The following GOLGA5 variants were observed in gnomAD, a reference collection of about 807,000 sequenced individuals.
The protein encoded by GOLGA5 is golgin subfamily A member 5.
Under a neutral mutation model 93.5 loss-of-function variants are expected in GOLGA5, and 50 were observed. The ratio of observed to expected loss-of-function variants is 0.53; its 90% CI spans 0.43 to 0.68. GOLGA5 has a LOEUF of 0.68. Among genes scored for constraint, GOLGA5 ranks in the 30% least tolerant of loss-of-function variants. The pLI is 0.00. For missense variants in GOLGA5, 760 were observed against 856.4 expected (o/e 0.89, Z 1.40); for synonymous variants, 312 against 304.5 (o/e 1.02, Z -0.26).
rs376821919 is a variant in GOLGA5 at position 92,835,533 on chromosome 14, A to G, written c.1946-26A>G. Reference sequence around the variant, plus strand: ...TCTTAGTTAATTTTTATGTCAGTACACTAATTTATTTTCTTATTTAAACAG... The same window carrying G: ...TCTTAGTTAATTTTTATGTCAGTACGCTAATTTATTTTCTTATTTAAACAG... On this transcript the variant is annotated intron_variant, in intron 10 of 12. Transcript: ENST00000163416. The G allele has an allele frequency of 3.5e-6, 5 of 1,439,872 alleles. No individual in the cohort carries two copies. In the African/African-American group the frequency reaches 7.0e-5, roughly 20 times the overall value. 89.2% of individuals were successfully genotyped at this position (1,439,872 alleles called of 1,614,324 possible).
chr14:92,830,847 A>G (rs1340659829), intron 9 of GOLGA5, among the ~76,000 whole-genome samples: 4 of 151,934 alleles, frequency 2.6e-5, no homozygotes, highest in Non-Finnish European at 4.4e-5. Context: ...CAATCCTCCT[A>G]CCTTGACCTC....
At chr14:92,836,447 C>A (rs1027561341) in intron 11 of GOLGA5, among the ~76,000 whole-genome samples, 1 of 152,102 alleles carries the variant, frequency 6.6e-6, no homozygotes, top group Non-Finnish European at 1.5e-5. Context: ...TTCATTTATT[C>A]AACATACGTA....
chr14:92,830,085 G>A (rs555962266), intron 9 of GOLGA5, among the ~76,000 whole-genome samples: 30 of 152,142 alleles, frequency 2.0e-4, no homozygotes, highest in Non-Finnish European at 4.3e-4. Flanking sequence ...TTGGGAGGCC[G>A]AGGCAGGTGG....
intron 2 of GOLGA5, 38 bp from the exon 3 acceptor site, chr14:92,806,698 C>CA (rs1566953925): frequency 7.3e-7 from 1 of 1,374,462 alleles, no homozygotes; most frequent in East Asian, 2.3e-5. Flanking sequence ...ATGTGATGAA[C>CA]ACGCCAATGT....
At chr14:92,835,085 G>A (rs1048528695) in intron 10 of GOLGA5, among the ~76,000 whole-genome samples, 5 of 152,194 alleles carry the variant, frequency 3.3e-5, no homozygotes, top group Non-Finnish European at 7.3e-5. Context: ...TTGACAGCGA[G>A]GACAAGAACT....
chr14:92,839,226 A>C, intron 12 of GOLGA5, 140 bp from the exon 13 acceptor site: 3 of 613,408 alleles, frequency 4.9e-6, no homozygotes, highest in Non-Finnish European at 8.9e-6. Flanking sequence ...GAGCTCATTT[A>C]GTTGTTTCAT....
chr14:92,794,616 C>T (rs1434304919), intron 1 of GOLGA5, among the ~76,000 whole-genome samples, 160 bp downstream of exon 1: 1 of 152,238 alleles, frequency 6.6e-6, no homozygotes, highest in Admixed American at 6.5e-5. Flanking sequence ...TGGAGAGACT[C>T]CTTGGGCTTC....
At chr14:92,800,815 C>T (rs1884854767) in intron 2 of GOLGA5, among the ~76,000 whole-genome samples, 1 of 152,128 alleles carries the variant, frequency 6.6e-6, no homozygotes, top group African/African-American at 2.4e-5. Context: ...TATTTTTGTA[C>T]TTTTAAAGAA....
Position 92,833,289 on chromosome 14 carries a change from CTCTGGAAGTAGTAGTAATGGG to C in GOLGA5, c.1891_1911del (p.Gly631_Ser637del), listed in dbSNP as rs1456689868. The C allele has an allele frequency of 1.5e-5, 25 of 1,613,774 alleles. No homozygotes were observed. Among genetic ancestry groups the C allele is most frequent in the Admixed American group, 8.3e-5 (5 of 60,002 alleles). ...GCCTCGAACAGCAGATGAACTCCGC[CTCTGGAAGTAGTAGTAATGGG>C]TCTTCGATTAATATGTCTGGAATTG... On this transcript the variant is annotated inframe_deletion, in exon 10 of 13. Transcript: ENST00000163416.
chr14:92,799,308 A>C (rs1595588822), intron 2 of GOLGA5, among the ~76,000 whole-genome samples: 9 of 120,550 alleles, frequency 7.5e-5, no homozygotes, highest in East Asian at 2.3e-4. Context: ...ACGGAGTCTC[A>C]CTCTGTCACC....
At chr14:92,810,947 C>A (rs1409096607) in intron 5 of GOLGA5, among the ~76,000 whole-genome samples, 1 of 152,174 alleles carries the variant, frequency 6.6e-6, no homozygotes, top group Non-Finnish European at 1.5e-5. Context: ...AATGAGCAGT[C>A]AGGGTTGCAA....
At chr14:92,816,527 T>TCTTCTCTTCG (rs1555405165) in intron 7 of GOLGA5, 106 bp downstream of exon 7, 3 of 691,108 alleles carry the variant, frequency 4.3e-6, no homozygotes, top group East Asian at 2.7e-5. Context: ...TTCTCGCTTC[T>TCTTCTCTTCG]CTTCGCTTCG....
At chr14:92,811,819 CTG>C (rs1885108444) in intron 6 of GOLGA5, 65 bp downstream of exon 6, 2 of 1,128,824 alleles carry the variant, frequency 1.8e-6, no homozygotes, top group East Asian at 2.4e-5. Context: ...CAATTTGAGA[CTG>C]TGTAGATACT....
intron 9 of GOLGA5, among the ~76,000 whole-genome samples, chr14:92,826,632 A>G (rs887354285): frequency 6.6e-6 from 1 of 151,688 alleles, no homozygotes; most frequent in Non-Finnish European, 1.5e-5. Context: ...CAGAAGGCAG[A>G]GGTTGCAGTG....
chr14:92,802,210 G>C (rs1884888128), intron 2 of GOLGA5, among the ~76,000 whole-genome samples: 1 of 151,970 alleles, frequency 6.6e-6, no homozygotes, highest in African/African-American at 2.4e-5. Flanking sequence ...AAATTTTATT[G>C]TTTTCTCCAT....
At chr14:92,832,425 G>C (rs966174508) in intron 9 of GOLGA5, among the ~76,000 whole-genome samples, 2 of 152,180 alleles carry the variant, frequency 1.3e-5, no homozygotes, top group African/African-American at 2.4e-5. Flanking sequence ...GGCTGGAGGA[G>C]AGTAGAGGGA....
chr14:92,833,357 A>G lies in GOLGA5; in HGVS notation c.1945+10A>G, dbSNP rs757848717. On this transcript the variant is annotated intron_variant, in intron 10 of 12. Transcript: ENST00000163416. ...ATTGACAATGGTGAAGGTAATCAAAAAAGGAATCTCAAAAGAACATTTCAT... is the reference window on the plus strand; with the variant it reads ...ATTGACAATGGTGAAGGTAATCAAAGAAGGAATCTCAAAAGAACATTTCAT... 2 of 1,494,260 alleles carry G rather than the reference A, an allele frequency of 1.3e-6. No individual in the cohort carries two copies. Among genetic ancestry groups the G allele is most frequent in the African/African-American group, 2.8e-5 (2 of 72,528 alleles). The allele number at this position is 1,494,260 out of a possible 1,614,324, so 92.6% of individuals were successfully genotyped here. A position where few individuals can be genotyped will look rare whatever the true frequency, so the allele number is the denominator to read the frequency against.
At chr14:92,837,852 A>G (rs1486773485) in intron 12 of GOLGA5, among the ~76,000 whole-genome samples, 2 of 152,166 alleles carry the variant, frequency 1.3e-5, no homozygotes, top group African/African-American at 4.8e-5. Context: ...GAATGCGCCA[A>G]CGCACCCAGC....
chr14:92,837,315 T>TTAC (rs1311415791), intron 11 of GOLGA5, 71 bp from the exon 12 acceptor site: 2 of 761,632 alleles, frequency 2.6e-6, no homozygotes, highest in African/African-American at 3.6e-5. Flanking sequence ...TCATTAGATA[T>TTAC]TACCACAGGA....
Sources: allele counts gnomAD v4.1 joint callset (sites outside exome capture counted in the v4.1 genomes callset), GRCh38; gene constraint gnomAD v4.1.1; transcripts MANE v1.5; gene names NCBI Gene and HGNC (gene_info 2026-07-23, HGNC 2026-07-21).